The following PDZRN3 variants were observed in gnomAD, a reference collection of about 807,000 sequenced individuals.
PDZRN3 encodes the protein PDZ domain containing ring finger 3.
A neutral mutation model predicts 85.7 loss-of-function variants in PDZRN3; 38 were observed. That is an observed-to-expected ratio of 0.44 (90% CI 0.34 to 0.58). The LOEUF is 0.58. Ranked by LOEUF, PDZRN3 falls within the 20% of genes least tolerant of loss-of-function variation. The probability of loss-of-function intolerance (pLI) is 0.01; values close to 1 mark genes in which losing one functional copy is unlikely to be tolerated. For missense variants in PDZRN3, 1,629 were observed against 1,506.4 expected, an observed-to-expected ratio of 1.08 and a Z score of -1.35; for synonymous variants, 759 against 638.0, an observed-to-expected ratio of 1.19 and a Z score of -2.86.
chr3:73,557,109 C>T (rs1229854771), intron 3 of PDZRN3, among the ~76,000 whole-genome samples: 2 of 151,956 alleles, frequency 1.3e-5, no homozygotes, highest in Non-Finnish European at 2.9e-5. Flanking sequence ...CCAGATCCTG[C>T]ACAGAACTTG....
At chr3:73,416,875 G>GTTTTTTTTTTT (rs1491373717) in intron 3 of PDZRN3, among the ~76,000 whole-genome samples, 12 of 40,742 alleles carry the variant, frequency 2.9e-4, no homozygotes, top group African/African-American at 3.6e-4. Context: ...GTTTTTTTTT[G>GTTTTTTTTTTT]GTTTTTTTTT....
intron 3 of PDZRN3, among the ~76,000 whole-genome samples, chr3:73,427,731 T>A (rs553805220): frequency 4.3e-4 from 66 of 152,174 alleles, no homozygotes; most frequent in Non-Finnish European, 8.4e-4. Context: ...ACTTGATACA[T>A]TTCTCACTCA....
At chr3:73,425,196 T>C (rs889031131) in intron 3 of PDZRN3, among the ~76,000 whole-genome samples, 1 of 151,944 alleles carries the variant, frequency 6.6e-6, no homozygotes, top group Admixed American at 6.6e-5. Flanking sequence ...TTTTTTTGTA[T>C]TTTTAGTAGA....
chr3:73,522,921 G>A (rs1251973506), intron 3 of PDZRN3, among the ~76,000 whole-genome samples: 2 of 152,200 alleles, frequency 1.3e-5, no homozygotes, highest in Non-Finnish European at 2.9e-5. Flanking sequence ...AAACCTCAAT[G>A]ATGTGTGTCT....
Position 73,386,226 on chromosome 3 carries a change from C to CTTTTTTTTTTTTTTTTTTTTT in PDZRN3, c.1519-442_1519-441insAAAAAAAAAAAAAAAAAAAAA, listed in dbSNP as rs71126867. Among the ~76,000 whole-genome samples, 14 of 90,706 alleles carry CTTTTTTTTTTTTTTTTTTTTT rather than the reference C, an allele frequency of 1.5e-4. 2 individuals carry two copies. Among genetic ancestry groups the CTTTTTTTTTTTTTTTTTTTTT allele is most frequent in the African/African-American group, 5.3e-4 (13 of 24,574 alleles). 59.5% of individuals were successfully genotyped at this position (90,706 alleles called of 152,430 possible). A position where few individuals can be genotyped will look rare whatever the true frequency, so the allele number is the denominator to read the frequency against. The stretch of plus-strand genomic sequence containing the variant: ...GCTGTTTGGCTTGGGCAAGATATCA[C>CTTTTTTTTTTTTTTTTTTTTT]TTTTTTTTTTTTTTTTTTTGAGACA... On this transcript the variant is annotated intron_variant, in intron 8 of 9. Transcript: ENST00000263666.
chr3:73,468,447 T>G (rs1347635849), intron 3 of PDZRN3, among the ~76,000 whole-genome samples: 3 of 151,970 alleles, frequency 2.0e-5, no homozygotes. Context: ...GCTTACTCTT[T>G]TTTTTTTTCT....
chr3:73,473,638 T>C (rs1703392037), intron 3 of PDZRN3, among the ~76,000 whole-genome samples: 1 of 152,206 alleles, frequency 6.6e-6, no homozygotes. Context: ...TTCACTATAA[T>C]CCTTTGAAGT....
At chr3:73,445,726 A>ATGT (rs1466582167) in intron 3 of PDZRN3, among the ~76,000 whole-genome samples, 3 of 152,216 alleles carry the variant, frequency 2.0e-5, no homozygotes, top group Non-Finnish European at 4.4e-5. Context: ...AGAACTACTG[A>ATGT]TGTTGTACTT....
chr3:73,418,048 C>A (rs1702127352), intron 3 of PDZRN3, among the ~76,000 whole-genome samples: 1 of 152,088 alleles, frequency 6.6e-6, no homozygotes, highest in Admixed American at 6.5e-5. Flanking sequence ...ATGTGATTTA[C>A]AAATGGCACA....
chr3:73,533,828 C>T (rs1458174804), intron 3 of PDZRN3, among the ~76,000 whole-genome samples: 1 of 152,110 alleles, frequency 6.6e-6, no homozygotes, highest in Non-Finnish European at 1.5e-5. Context: ...CTCATTTTCT[C>T]CCCTCTGCAT....
intron 3 of PDZRN3, among the ~76,000 whole-genome samples, chr3:73,563,283 C>T (rs1382638225): frequency 2.0e-5 from 3 of 151,380 alleles, no homozygotes; most frequent in Non-Finnish European, 4.4e-5. Flanking sequence ...GATCCGCCCG[C>T]CTCGGCCCCC....
intron 3 of PDZRN3, among the ~76,000 whole-genome samples, chr3:73,459,725 G>C (rs1338054024): frequency 6.6e-6 from 1 of 152,188 alleles, no homozygotes; most frequent in Non-Finnish European, 1.5e-5. Context: ...TGGTGTATAT[G>C]TACCACATTT....
chr3:73,440,337 A>G (rs1252228043), intron 3 of PDZRN3, among the ~76,000 whole-genome samples: 1 of 152,212 alleles, frequency 6.6e-6, no homozygotes, highest in Non-Finnish European at 1.5e-5. Context: ...CAGGCCAGTG[A>G]GCATCAGTCT....
At chr3:73,485,177 G>A (rs1703640753) in intron 3 of PDZRN3, among the ~76,000 whole-genome samples, 1 of 151,864 alleles carries the variant, frequency 6.6e-6, no homozygotes, top group Admixed American at 6.6e-5. Flanking sequence ...CCACTGAGTG[G>A]CAATTACTTT....
At position 73,424,367 on chromosome 3, in the gene PDZRN3, C is replaced by CAAAAAAA. The variant is rs66466551; in HGVS notation, c.919-19979_919-19973dup. Among the ~76,000 whole-genome samples, 452 of 54,866 alleles carry CAAAAAAA rather than the reference C, an allele frequency of 8.2e-3. 36 individuals carry two copies. Among genetic ancestry groups the CAAAAAAA allele is most frequent in the African/African-American group, 0.032 (428 of 13,440 alleles). The allele number at this position is 54,866 out of a possible 152,430, so 36.0% of individuals were successfully genotyped here. ...TAACATGGTGAAACCCCGTCTCTAC[C>CAAAAAAA]AAAAAAAAAAAAAAAAAAAAAAAAA... On this transcript the variant is annotated intron_variant, in intron 3 of 9. Coordinates refer to ENST00000263666, the MANE Select transcript of PDZRN3 (RefSeq NM_015009.3).
In PDZRN3 at chr3:73,386,014, G is replaced by A. The variant is rs199549351; in HGVS notation, c.1519-229C>T. On this transcript the variant is annotated intron_variant, in intron 8 of 9. Coordinates refer to ENST00000263666, the MANE Select transcript of PDZRN3 (RefSeq NM_015009.3). ...ATCTGGGGAAGTCTTTAATATCCAT[G>A]ATTTTTTTTTTTCAGGGTGAAACTC... Among the ~76,000 whole-genome samples, 8 of 151,576 alleles carry A rather than the reference G, an allele frequency of 5.3e-5. No homozygotes were observed. In the East Asian group the frequency reaches 1.5e-3, roughly 29 times the overall value.
intron 3 of PDZRN3, chr3:73,433,766 C>T (rs1575651234): frequency 6.5e-7 from 1 of 1,534,148 alleles, no homozygotes; most frequent in East Asian, 2.4e-5. Flanking sequence ...AAAAGCAGCT[C>T]CCTTACAGTG....
At chr3:73,395,288 T>C (rs9868179) in intron 5 of PDZRN3, among the ~76,000 whole-genome samples, 37,136 of 152,216 alleles carry the variant, frequency 0.24, 4,908 homozygotes, top group Non-Finnish European at 0.31. Context: ...GCTGAAAGCA[T>C]AGAAGTTATC....
chr3:73,387,389 T>C (rs1701418442), intron 8 of PDZRN3, among the ~76,000 whole-genome samples: 1 of 152,176 alleles, frequency 6.6e-6, no homozygotes, highest in South Asian at 2.1e-4. Flanking sequence ...ATCAGATTAC[T>C]TGGGCCTGAA....
Sources: allele counts gnomAD v4.1 joint callset (sites outside exome capture counted in the v4.1 genomes callset), GRCh38; gene constraint gnomAD v4.1.1; transcripts MANE v1.5; gene names NCBI Gene and HGNC (gene_info 2026-07-23, HGNC 2026-07-21).